The following ARHGEF1 variants were observed in gnomAD, a reference collection of about 807,000 sequenced individuals.
The protein encoded by ARHGEF1 is Rho guanine nucleotide exchange factor 1, also known as 115 kDa guanine nucleotide exchange factor.
Under a neutral mutation model 119.7 loss-of-function variants are expected in ARHGEF1, and 40 were observed. That is an observed-to-expected ratio of 0.33 (90% CI 0.26 to 0.44). The LOEUF (loss-of-function observed/expected upper bound fraction) is 0.44. ARHGEF1 is among the 20% of genes least tolerant of loss of function. The probability of loss-of-function intolerance (pLI) is 1.00; values close to 1 mark genes in which losing one functional copy is unlikely to be tolerated. For missense variants in ARHGEF1, 976 were observed against 1,268.3 expected, an observed-to-expected ratio of 0.77 and a Z score of 3.50; for synonymous variants, 494 against 521.0, an observed-to-expected ratio of 0.95 and a Z score of 0.71.
chr19:41,909,983 A>G, downstream of ARHGEF1: 1 of 1,613,824 alleles, frequency 6.2e-7, no homozygotes. This position sits in a 1 kb window ranked among gnomAD's most constrained non-coding sequence, Gnocchi z 5.2. Context: ...CTGCCAGGCT[A>G]TGACGCCCTG....
In ARHGEF1 at chr19:41,903,344, C is replaced by A; in HGVS notation, c.1776C>A (p.Ala592=). 6.2e-7 allele frequency: 1 copy of A among 1,613,886 alleles called. No individual in the cohort carries two copies. The part of the protein sequence containing the change: ...PTEREKVELA[A]ECCREILHHV... Reference sequence around the variant, plus strand: ...AACGGGAGAAAGTGGAGCTGGCAGCCGAGTGCTGCCGGGAAATTCTACACC... The same window carrying A: ...AACGGGAGAAAGTGGAGCTGGCAGCAGAGTGCTGCCGGGAAATTCTACACC... Residue 592 remains alanine (A), a synonymous_variant, in exon 19 of 29, where the codon GCC becomes GCA. Transcript: ENST00000354532. This position sits in a 1 kb window ranked among gnomAD's most constrained non-coding sequence, Gnocchi z 4.2.
At chr19:41,895,010 G>A (rs2074457633) in intron 11 of ARHGEF1, among the ~76,000 whole-genome samples, 1 of 146,740 alleles carries the variant, frequency 6.8e-6, no homozygotes, top group Non-Finnish European at 1.5e-5. Flanking sequence ...CTGGACCCCT[G>A]GGTCTGAGGG....
intron 14 of ARHGEF1, chr19:41,900,723 T>C (rs1325751563): frequency 6.6e-6 from 1 of 151,714 alleles, no homozygotes; most frequent in Non-Finnish European, 1.5e-5. Flanking sequence ...TGAGGACCAT[T>C]GGTCACTCTG....
chr19:41,907,629 G>A (rs1470828406), downstream of ARHGEF1: 3 of 507,520 alleles, frequency 5.9e-6, no homozygotes, highest in Non-Finnish European at 6.9e-6. Flanking sequence ...CACACACTGG[G>A]TATGAGGCGT....
At chr19:41,887,943 G>T (rs1276631142) in intron 1 of ARHGEF1, 121 bp from the exon 2 acceptor site, 9 of 1,149,560 alleles carry the variant, frequency 7.8e-6, no homozygotes, top group Non-Finnish European at 8.5e-6. Flanking sequence ...CCATTGAGCT[G>T]CGGAGGCTGG....
chr19:41,927,970 G>GCCCGCCCCCTCCTGGGGCGGGAATC (rs1324572848), intron 1 of ARHGEF1: 1 of 150,608 alleles, frequency 6.6e-6, no homozygotes, highest in African/African-American at 2.4e-5. Flanking sequence ...CCACCCCCGC[G>GCCCGCCCCCTCCTGGGGCGGGAATC]CCCGCCCCCT....
intron 12 of ARHGEF1, among the ~76,000 whole-genome samples, chr19:41,895,957 A>C (rs1394118303): frequency 6.6e-6 from 1 of 152,074 alleles, no homozygotes; most frequent in Non-Finnish European, 1.5e-5. Flanking sequence ...GTGTTTATTT[A>C]GTATCTTGGA....
chr19:41,908,069 A>ACC (rs1364313600), downstream of ARHGEF1: 1 of 484,014 alleles, frequency 2.1e-6, no homozygotes. This position sits in a 1 kb window ranked among gnomAD's most constrained non-coding sequence, Gnocchi z 6.7. Context: ...GGGAAGTGAG[A>ACC]CCCCCCCCAC....
At chr19:41,885,543 C>G (rs1241143481) in intron 1 of ARHGEF1, among the ~76,000 whole-genome samples, 1 of 152,172 alleles carries the variant, frequency 6.6e-6, no homozygotes, top group African/African-American at 2.4e-5. Context: ...CTCACTGCAA[C>G]CTCCGCCTCC....
intron 9 of ARHGEF1, 65 bp from the exon 10 acceptor site, chr19:41,894,386 T>G (rs1329562531): frequency 1.3e-6 from 2 of 1,521,160 alleles, no homozygotes; most frequent in Non-Finnish European, 1.8e-6. Context: ...ATACCTAGCG[T>G]CAAATTCTGC....
chr19:41,893,984 A>G (rs1026973959), intron 8 of ARHGEF1, among the ~76,000 whole-genome samples: 2 of 151,294 alleles, frequency 1.3e-5, no homozygotes, highest in Non-Finnish European at 2.9e-5. Flanking sequence ...GGGCCTGGAC[A>G]CTTGGGTCCT....
rs538948770 is a variant in ARHGEF1 at position 41,917,255 on chromosome 19, T to G, written c.1866-5837T>G. Among the ~76,000 whole-genome samples the G allele has an allele frequency of 6.6e-6, 1 of 152,172 alleles. No individual in the cohort carries two copies. The highest frequency in any genetic ancestry group is 1.9e-4 in the East Asian group (1 of 5,166). ...TGAGTGTCTCTGTTTCCCCCATCTC[T>G]CTCTCTGGGTGCATCTCTCTGTCTC... On this transcript the variant is annotated intron_variant, in intron 18 of 20. Transcript: ENST00000599589. This position sits in a 1 kb window ranked among gnomAD's most constrained non-coding sequence, Gnocchi z 4.8.
In ARHGEF1 at chr19:41,901,912, C is replaced by G; in HGVS notation, c.1293C>G (p.His431Gln). 6.2e-7 allele frequency: 1 copy of G among 1,612,208 alleles called. No individual in the cohort carries two copies. Among genetic ancestry groups the G allele is most frequent in the Non-Finnish European group, 8.5e-7 (1 of 1,180,006 alleles). Reference sequence around the variant, plus strand: ...AGCTGCTGGTGACAGAGGCGGCCCACGTGCGCATGCTGCGGGTGCTGCACG... The same window carrying G: ...AGCTGCTGGTGACAGAGGCGGCCCAGGTGCGCATGCTGCGGGTGCTGCACG... ...ISELLVTEAA[H>Q]VRMLRVLHDL... Residue 431 changes from histidine to glutamine, a missense_variant, in exon 15 of 29, where the codon CAC becomes CAG. His to Gln is a conservative substitution (Grantham distance 24). Transcript: ENST00000354532.
rs961016772 is a variant in ARHGEF1, at chr19:41,889,038, C to A, written c.225+173C>A. 16 of 613,046 alleles carry A rather than the reference C, an allele frequency of 2.6e-5. No homozygotes were observed. In the South Asian group the frequency reaches 3.2e-4, roughly 12 times the overall value. The allele number at this position is 613,046 out of a possible 1,614,324, so 38.0% of individuals were successfully genotyped here. A position where few individuals can be genotyped will look rare whatever the true frequency, so the allele number is the denominator to read the frequency against. On this transcript the variant is annotated intron_variant, in intron 4 of 28. Transcript: ENST00000354532. This position sits in a 1 kb window ranked among gnomAD's most constrained non-coding sequence, Gnocchi z 4.0. Reference sequence around the variant, plus strand: ...TAGACAAGAGCCAGAAAGCATGCCACGTGACCTCAACAGGCTTACAAGTGC... The same window carrying A: ...TAGACAAGAGCCAGAAAGCATGCCAAGTGACCTCAACAGGCTTACAAGTGC...
intron 14 of ARHGEF1, among the ~76,000 whole-genome samples, chr19:41,898,920 G>T (rs142671788): frequency 1.3e-5 from 2 of 152,360 alleles, no homozygotes; most frequent in African/African-American, 4.8e-5. Flanking sequence ...ATATTGTCAT[G>T]AAGATGAGAT....
chr19:41,904,358 C>T lies in ARHGEF1; in HGVS notation c.2136C>T (p.Ser712=), dbSNP rs782735634. 1.6e-5 allele frequency: 26 copies of T among 1,585,462 alleles called. 1 individual carries two copies. In the Middle Eastern group the frequency reaches 5.1e-4, roughly 31 times the overall value. Residue 712 remains serine, a synonymous_variant, in exon 22 of 29, where the codon TCC becomes TCT. Transcript: ENST00000354532. The surrounding 1 kb of genome is among the most constrained non-coding windows in gnomAD (Gnocchi z 8.4). ...TMLRPVLRLT[S]AMTREVATDH... The stretch of plus-strand genomic sequence containing the variant: ...TGCGGCCCGTGCTGCGGCTCACCTC[C>T]GCCATGACCCGCGAGGTGGCCACCG...
In ARHGEF1 at chr19:41,887,118, G is replaced by A. The variant is rs373708957; in HGVS notation, c.-19-946G>A. The stretch of plus-strand genomic sequence containing the variant: ...TGGCTGCAGAAACCAGATGTGGGAG[G>A]ACAGAGGCACAGAGACAGGGACAGG... On this transcript the variant is annotated intron_variant, in intron 1 of 28. Coordinates refer to ENST00000354532, the MANE Select transcript of ARHGEF1 (RefSeq NM_004706.4). 7.9e-5 allele frequency among the ~76,000 whole-genome samples: 12 copies of A among 152,290 alleles called. No individual in the cohort carries two copies. The East Asian group carries it at 1.4e-3, about 17-fold the overall frequency.
chr19:41,929,074 A>T (rs1318550608), intron 2 of ARHGEF1: 1 of 338,238 alleles, frequency 3.0e-6, no homozygotes, highest in Non-Finnish European at 6.1e-6. Context: ...CCATCTATAC[A>T]CGCAGCACAC....
chr19:41,888,744 A>AC lies in ARHGEF1; in HGVS notation c.112-3dup, dbSNP rs1402364571. The AC allele has an allele frequency of 5.6e-6, 9 of 1,613,544 alleles. No individual in the cohort carries two copies. The highest frequency in any genetic ancestry group is 7.6e-6 in the Non-Finnish European group (9 of 1,179,678). ...CCCCATTGTACTCACCCCTTCCTGC[A>AC]CCCCCAGAACTCAGAAGAGCAAAAC... On this transcript the variant is annotated splice_region_variant and splice_polypyrimidine_tract_variant and intron_variant, in intron 3 of 28. Coordinates refer to ENST00000354532, the MANE Select transcript of ARHGEF1 (RefSeq NM_004706.4). The surrounding 1 kb of genome is among the most constrained non-coding windows in gnomAD (Gnocchi z 5.1).
Sources: gnomAD v4.1 joint callset for allele counts (sites outside exome capture counted in the v4.1 genomes callset) on GRCh38, gnomAD v4.1.1 for gene constraint, Gnocchi (gnomAD v3.1) non-coding constraint, MANE v1.5 for transcripts, NCBI Gene and HGNC (gene_info 2026-07-23, HGNC 2026-07-21) for gene names.